NUSAP1: variants seen among roughly 807,000 people sequenced by gnomAD.
NUSAP1 encodes nucleolar and spindle-associated protein 1.
A neutral mutation model predicts 52.8 loss-of-function variants in NUSAP1; 32 were observed. That is an observed-to-expected ratio of 0.61 (90% CI 0.46 to 0.81). The LOEUF is 0.81. Ranked by LOEUF, NUSAP1 falls within the 40% of genes least tolerant of loss-of-function variation. The probability of loss-of-function intolerance (pLI) is 0.00; values close to 1 mark genes in which losing one functional copy is unlikely to be tolerated. For synonymous variants in NUSAP1, 195 were observed against 183.1 expected (o/e 1.06, Z -0.52); for missense variants, 499 against 522.3 (o/e 0.96, Z 0.43).
intron 1 of NUSAP1, among the ~76,000 whole-genome samples, chr15:41,336,917 G>A (rs2048173732): frequency 6.6e-6 from 1 of 150,644 alleles, no homozygotes; most frequent in African/African-American, 2.4e-5. Context: ...TACCTCATAG[G>A]TCATGGGAAA....
chr15:41,336,521 T>C (rs1234394032), intron 1 of NUSAP1, among the ~76,000 whole-genome samples: 1 of 152,006 alleles, frequency 6.6e-6, no homozygotes, highest in African/African-American at 2.4e-5. Context: ...CCCAGCTATG[T>C]GCTTAATCTT....
At chr15:41,333,783 T>G (rs915003442) in intron 1 of NUSAP1, among the ~76,000 whole-genome samples, 1 of 152,150 alleles carries the variant, frequency 6.6e-6, no homozygotes, top group Non-Finnish European at 1.5e-5. Context: ...TCCAAGCTTT[T>G]TGCCTGTGAT....
intron 7 of NUSAP1, among the ~76,000 whole-genome samples, chr15:41,367,372 T>C (rs764363284): frequency 2.6e-5 from 4 of 152,166 alleles, no homozygotes; most frequent in African/African-American, 4.8e-5. Context: ...AGGTTCGCCT[T>C]GAGCACATCT....
chr15:41,372,328 A>G (rs929445496), intron 8 of NUSAP1, among the ~76,000 whole-genome samples: 2 of 152,154 alleles, frequency 1.3e-5, no homozygotes, highest in African/African-American at 4.8e-5. Flanking sequence ...TGACACTAAC[A>G]GGATCCCAGA....
At chr15:41,337,359 A>C (rs1376041230) in intron 1 of NUSAP1, among the ~76,000 whole-genome samples, 1 of 152,026 alleles carries the variant, frequency 6.6e-6, no homozygotes, top group African/African-American at 2.4e-5. Flanking sequence ...CTACATCCAC[A>C]TACTCTGCTT....
intron 1 of NUSAP1, among the ~76,000 whole-genome samples, chr15:41,335,593 A>T (rs1172874134): frequency 1.4e-5 from 2 of 138,724 alleles, no homozygotes; most frequent in Non-Finnish European, 3.0e-5. Flanking sequence ...TACTATAAAT[A>T]AATATAAATA....
At chr15:41,337,793 T>TCCA (rs1831880692) in intron 1 of NUSAP1, among the ~76,000 whole-genome samples, 3 of 152,238 alleles carry the variant, frequency 2.0e-5, no homozygotes, top group African/African-American at 7.2e-5. Flanking sequence ...TTCTTTCTAG[T>TCCA]CTCCTTGGTT....
At chr15:41,347,298 A>G (rs1405350479) in intron 2 of NUSAP1, among the ~76,000 whole-genome samples, 1 of 152,198 alleles carries the variant, frequency 6.6e-6, no homozygotes, top group Non-Finnish European at 1.5e-5. Flanking sequence ...GACATCTGGT[A>G]GACTGCCTGT....
chr15:41,353,674 A>T (rs926857085), intron 4 of NUSAP1, among the ~76,000 whole-genome samples: 5 of 152,246 alleles, frequency 3.3e-5, no homozygotes, highest in African/African-American at 7.2e-5. Context: ...ATGAAAGCTC[A>T]TTGCATATTT....
At chr15:41,341,018 T>C (rs72739631) in intron 1 of NUSAP1, among the ~76,000 whole-genome samples, 9 of 152,254 alleles carry the variant, frequency 5.9e-5, no homozygotes, top group Non-Finnish European at 1.2e-4. Context: ...GGCCCTCAAC[T>C]GCATGGCTGG....
chr15:41,369,731 T>C (rs984170847), intron 7 of NUSAP1, among the ~76,000 whole-genome samples: 6 of 151,994 alleles, frequency 3.9e-5, no homozygotes, highest in African/African-American at 1.5e-4. Context: ...CACCATAAGA[T>C]ACCATTAATT....
At chr15:41,367,474 T>C (rs779014323) in intron 7 of NUSAP1, among the ~76,000 whole-genome samples, 5 of 152,068 alleles carry the variant, frequency 3.3e-5, no homozygotes, top group Non-Finnish European at 5.9e-5. Context: ...GCCCTAGTAA[T>C]GGATACATGC....
chr15:41,380,369 AG>A lies in NUSAP1; in HGVS notation c.*184del. 4.5e-6 allele frequency: 2 copies of A among 446,832 alleles called. No individual in the cohort carries two copies. Among genetic ancestry groups the A allele is most frequent in the Non-Finnish European group, 8.0e-6 (2 of 249,444 alleles). The allele number at this position is 446,832 out of a possible 1,614,324, so 27.7% of individuals were successfully genotyped here. On this transcript the variant is annotated 3_prime_UTR_variant, in exon 11 of 11. Coordinates refer to ENST00000559596, the MANE Select transcript of NUSAP1 (RefSeq NM_016359.5). ...CTCTGAAAAGACGTTATCACCTTAA[AG>A]CTCAAATTCTTTGGGATGGTTTTTA...
intron 2 of NUSAP1, chr15:41,345,417 GA>G (rs1245800325): frequency 2.0e-5 from 8 of 407,196 alleles, no homozygotes; most frequent in Admixed American, 6.5e-5. Flanking sequence ...AAGATAAAGG[GA>G]AAAAAAATCT....
intron 4 of NUSAP1, among the ~76,000 whole-genome samples, chr15:41,355,519 T>C (rs1017973255): frequency 1.3e-5 from 2 of 152,074 alleles, no homozygotes; most frequent in African/African-American, 4.8e-5. Context: ...TGTCAGAAAA[T>C]TTCTGAATGC....
chr15:41,350,177 G>A (rs184654484), intron 3 of NUSAP1, among the ~76,000 whole-genome samples: 107 of 152,202 alleles, frequency 7.0e-4, no homozygotes, highest in African/African-American at 2.2e-3. Context: ...GGCACGCACC[G>A]GCTCGGAGGA....
chr15:41,336,648 G>GTGTTTTTTTTTTTTTTTTTTTT (rs1555426223), intron 1 of NUSAP1, among the ~76,000 whole-genome samples: 2 of 91,372 alleles, frequency 2.2e-5, no homozygotes, highest in Admixed American at 1.1e-4. Context: ...CCTCCTTTTG[G>GTGTTTTTTTTTTTTTTTTTTTT]TTTTTTTTTT....
Position 41,349,259 on chromosome 15 carries a change from A to G in NUSAP1, c.306+18A>G, listed in dbSNP as rs765851760. Reference sequence around the variant, plus strand: ...ACTCACAGGTGAATGGAAATATACAAACTGAAAATAAACCACCTATGCCAA... The same window carrying G: ...ACTCACAGGTGAATGGAAATATACAGACTGAAAATAAACCACCTATGCCAA... On this transcript the variant is annotated intron_variant, in intron 3 of 10. Transcript: ENST00000559596. 1 of 1,598,672 alleles carries G rather than the reference A, an allele frequency of 6.3e-7. No individual in the cohort carries two copies. Among genetic ancestry groups the G allele is most frequent in the South Asian group, 1.1e-5 (1 of 89,344 alleles).
chr15:41,376,208 C>A (rs1449467949), intron 9 of NUSAP1, among the ~76,000 whole-genome samples: 1 of 151,414 alleles, frequency 6.6e-6, no homozygotes, highest in African/African-American at 2.4e-5. Flanking sequence ...TCAGCCTGGC[C>A]AACATGGTGA....
Sources: allele counts gnomAD v4.1 joint callset (sites outside exome capture counted in the v4.1 genomes callset), GRCh38; gene constraint gnomAD v4.1.1; transcripts MANE v1.5; gene names NCBI Gene and HGNC (gene_info 2026-07-23, HGNC 2026-07-21).